TAMM41: variants seen among roughly 807,000 people sequenced by gnomAD.
TAMM41 encodes TAM41 mitochondrial translocator assembly and maintenance homolog, also known as phosphatidate cytidylyltransferase, mitochondrial.
In TAMM41, 36 loss-of-function variants were observed where a neutral mutation model predicts 44.1. The ratio of observed to expected loss-of-function variants is 0.82; its 90% CI spans 0.63 to 1.08. The LOEUF (loss-of-function observed/expected upper bound fraction) is 1.08. TAMM41 is among the 50% of genes least tolerant of loss of function. The probability of loss-of-function intolerance (pLI) is 0.00; values close to 1 mark genes in which losing one functional copy is unlikely to be tolerated. For missense variants in TAMM41, 417 were observed against 404.3 expected (o/e 1.03, Z -0.27); for synonymous variants, 164 against 153.1 (o/e 1.07, Z -0.53).
chr3:11,819,351 TC>T (rs1405433945), intron 4 of TAMM41, among the ~76,000 whole-genome samples: 1 of 152,190 alleles, frequency 6.6e-6, no homozygotes, highest in Non-Finnish European at 1.5e-5. Context: ...TAGGATTCTA[TC>T]CCCATTCATA....
At chr3:11,776,095 G>A in the TAMM41 span, among the ~76,000 whole-genome samples, 1 of 150,266 alleles carries the variant, frequency 6.7e-6, no homozygotes, top group Non-Finnish European at 1.5e-5. Flanking sequence ...CTCACTGCAA[G>A]CTCCGCCTCC....
the TAMM41 span, among the ~76,000 whole-genome samples, chr3:11,775,042 G>C: frequency 6.6e-6 from 1 of 151,818 alleles, no homozygotes; most frequent in Non-Finnish European, 1.5e-5. Flanking sequence ...GCTAATTTTT[G>C]TATTTTTAGT....
chr3:11,759,575 A>ATGGGAAT, the TAMM41 span, among the ~76,000 whole-genome samples: 1 of 59,734 alleles, frequency 1.7e-5, no homozygotes, highest in Non-Finnish European at 3.8e-5. Context: ...GCATACGGAA[A>ATGGGAAT]GCAATTGCTC....
the TAMM41 span, among the ~76,000 whole-genome samples, chr3:11,742,229 C>T: frequency 8.1e-4 from 121 of 150,260 alleles, 6 homozygotes; most frequent in African/African-American, 2.9e-3. Flanking sequence ...CCACTCCCCT[C>T]CCCTCCCACT....
At chr3:11,836,066 G>A (rs555499744) in intron 3 of TAMM41, among the ~76,000 whole-genome samples, 17 of 146,592 alleles carry the variant, frequency 1.2e-4, no homozygotes, top group African/African-American at 4.3e-4. Context: ...GCACGATCTT[G>A]GCTCACCTCT....
the TAMM41 span, among the ~76,000 whole-genome samples, chr3:11,760,093 T>C: frequency 2.0e-5 from 3 of 152,268 alleles, no homozygotes; most frequent in Non-Finnish European, 4.4e-5. Context: ...TCATTCTGGA[T>C]GGGCAAGTAG....
rs1211110213 is a variant in TAMM41 at position 11,842,378 on chromosome 3, GAAC to G, written c.318+1648_318+1650del. On this transcript the variant is annotated intron_variant, in intron 2 of 7. Transcript: ENST00000455809. The stretch of plus-strand genomic sequence containing the variant: ...CATTGCACTCCAGCCTGGGCAACAA[GAAC>G]AAAACTCCATCTCAAAAAAAAAAAA... Among the ~76,000 whole-genome samples the G allele has an allele frequency of 4.4e-5, 4 of 89,912 alleles. No individual in the cohort carries two copies. In the Admixed American group the frequency reaches 6.2e-4, roughly 14 times the overall value. 59.0% of individuals were successfully genotyped at this position (89,912 alleles called of 152,430 possible).
At chr3:11,748,352 G>A in the TAMM41 span, among the ~76,000 whole-genome samples, 10 of 151,608 alleles carry the variant, frequency 6.6e-5, no homozygotes, top group African/African-American at 1.9e-4. Flanking sequence ...GCATGATCTC[G>A]GCTCACTGCA....
chr3:11,738,591 C>A, the TAMM41 span, among the ~76,000 whole-genome samples: 2 of 152,144 alleles, frequency 1.3e-5, no homozygotes, highest in Non-Finnish European at 2.9e-5. Flanking sequence ...GGGCTGTGCT[C>A]AGAGGGAGTT....
intron 3 of TAMM41, chr3:11,833,288 G>A (rs12494203): frequency 0.25 from 135,783 of 537,872 alleles, 19,055 homozygotes; most frequent in Admixed American, 0.31. Flanking sequence ...AGGGGCATTG[G>A]CTTAAAGGGA....
At chr3:11,809,386 G>A (rs1426208156) in intron 6 of TAMM41, 131 bp downstream of exon 6, 1 of 1,054,620 alleles carries the variant, frequency 9.5e-7, no homozygotes. Context: ...AATTTTTAGT[G>A]CTTTCTTCTT....
intron 3 of TAMM41, among the ~76,000 whole-genome samples, chr3:11,832,815 C>A (rs1340112607): frequency 1.3e-5 from 2 of 151,904 alleles, no homozygotes; most frequent in Admixed American, 6.6e-5. Flanking sequence ...TTACAGAAGC[C>A]CAGTGAAATT....
the TAMM41 span, among the ~76,000 whole-genome samples, chr3:11,759,960 A>G: frequency 7.3e-6 from 1 of 136,580 alleles, no homozygotes; most frequent in East Asian, 2.1e-4. Context: ...GGGGACAAGA[A>G]TGAAACTCCA....
At chr3:11,765,876 A>G in the TAMM41 span, among the ~76,000 whole-genome samples, 13 of 151,752 alleles carry the variant, frequency 8.6e-5, no homozygotes, top group Non-Finnish European at 1.2e-4. Flanking sequence ...TAATTTTTCT[A>G]TTTTTAGTAG....
chr3:11,726,151 G>C, the TAMM41 span, among the ~76,000 whole-genome samples: 1 of 152,164 alleles, frequency 6.6e-6, no homozygotes, highest in Non-Finnish European at 1.5e-5. Context: ...CCTGGCTGTG[G>C]AAAATGTGTT....
chr3:11,790,688 G>T, intron 7 of TAMM41, 107 bp from the exon 8 acceptor site: 1 of 942,180 alleles, frequency 1.1e-6, no homozygotes, highest in Non-Finnish European at 1.7e-6. Context: ...GGGCAGTGAG[G>T]GGCTGACCCG....
At chr3:11,844,890 C>G in intron 1 of TAMM41, 1 of 456,422 alleles carries the variant, frequency 2.2e-6, no homozygotes, top group South Asian at 1.5e-5. Context: ...AATGTACTAA[C>G]TGCACTCAGC....
At chr3:11,824,406 G>A (rs975606050) in intron 4 of TAMM41, among the ~76,000 whole-genome samples, 93 of 144,464 alleles carry the variant, frequency 6.4e-4, no homozygotes, top group African/African-American at 2.3e-3. Flanking sequence ...CTGTTGTCAG[G>A]CTGGAGTGCA....
chr3:11,725,314 TTCTCCTCCTCCTCCTTTTTTTCTTCTCC>T, the TAMM41 span, among the ~76,000 whole-genome samples: 1 of 97,714 alleles, frequency 1.0e-5, no homozygotes, highest in African/African-American at 3.8e-5. Flanking sequence ...CCTTTTTTTC[TTCTCCTCCTCCTCCTTTTTTTCTTCTCC>T]TCCTCCTCCT....
Sources: allele counts gnomAD v4.1 joint callset (sites outside exome capture counted in the v4.1 genomes callset), GRCh38; gene constraint gnomAD v4.1.1; transcripts MANE v1.5; gene names NCBI Gene and HGNC (gene_info 2026-07-23, HGNC 2026-07-21).